The following KIF21B variants were observed in gnomAD, a reference collection of about 807,000 sequenced individuals.
The protein encoded by KIF21B is kinesin-like protein KIF21B.
KIF21B carries 85 observed loss-of-function variants against 192.9 expected under a neutral mutation model. The ratio of observed to expected loss-of-function variants is 0.44; its 90% confidence interval spans 0.37 to 0.53. The LOEUF (loss-of-function observed/expected upper bound fraction) is 0.53. KIF21B is among the 20% of genes least tolerant of loss of function. The probability of loss-of-function intolerance (pLI) is 0.00; values close to 1 mark genes in which losing one functional copy is unlikely to be tolerated. For missense variants in KIF21B, 1,716 were observed against 2,194.8 expected (o/e 0.78, Z 4.36); for synonymous variants, 832 against 884.6 (o/e 0.94, Z 1.05).
At chr1:200,977,764 C>T (rs1293840271) in intron 30 of KIF21B, among the ~76,000 whole-genome samples, 2 of 144,902 alleles carry the variant, frequency 1.4e-5, no homozygotes, top group African/African-American at 2.6e-5. Flanking sequence ...AATGGAGTTT[C>T]GCTCTTGTTG....
At chr1:201,013,992 C>T (rs557790774) in intron 1 of KIF21B, among the ~76,000 whole-genome samples, 2 of 152,312 alleles carry the variant, frequency 1.3e-5, no homozygotes, top group African/African-American at 4.8e-5. Context: ...GCCGGCTGGA[C>T]AGCCCCACTC....
chr1:201,014,281 C>T (rs1376460782), intron 1 of KIF21B, among the ~76,000 whole-genome samples: 1 of 152,230 alleles, frequency 6.6e-6, no homozygotes, highest in Admixed American at 6.5e-5. Flanking sequence ...TCCTCCCAGG[C>T]TGACCCCACC....
At chr1:201,015,132 C>T (rs1342067927) in intron 1 of KIF21B, among the ~76,000 whole-genome samples, 1 of 152,156 alleles carries the variant, frequency 6.6e-6, no homozygotes, top group Non-Finnish European at 1.5e-5. Flanking sequence ...AGAGAGAAAC[C>T]GATAACTCGG....
At chr1:200,994,755 G>A (rs903660098) in intron 15 of KIF21B, among the ~76,000 whole-genome samples, 4 of 152,186 alleles carry the variant, frequency 2.6e-5, no homozygotes, top group African/African-American at 7.2e-5. Context: ...GAGTGGGGAC[G>A]CACATAAGCG....
At chr1:201,012,427 C>T (rs1052836827) in intron 1 of KIF21B, among the ~76,000 whole-genome samples, 4 of 152,216 alleles carry the variant, frequency 2.6e-5, no homozygotes, top group South Asian at 2.1e-4. Context: ...CATGTGCTAG[C>T]GCTGGCTCAG....
intron 21 of KIF21B, 137 bp from the exon 22 acceptor site, chr1:200,989,068 C>T: frequency 1.2e-6 from 1 of 849,506 alleles, no homozygotes; most frequent in Non-Finnish European, 1.8e-6. Flanking sequence ...CTGGCACAGA[C>T]CTGAGAGCAC....
At position 200,986,824 on chromosome 1, in the gene KIF21B, A is replaced by G. The variant is rs756044801; in HGVS notation, c.3689+20T>C. 5 of 1,600,998 alleles carry G rather than the reference A, an allele frequency of 3.1e-6. No individual in the cohort carries two copies. The highest frequency in any genetic ancestry group is 2.2e-5 in the East Asian group (1 of 44,708). On this transcript the variant is annotated intron_variant, in intron 26 of 34. Transcript: ENST00000461742. The stretch of plus-strand genomic sequence containing the variant: ...TAGACTGGTGGTGACTCTGGAGCAG[A>G]TTCTAGAACATGATCTCACCTAATG...
Position 201,005,456 on chromosome 1 carries a change from C to G in KIF21B, c.598-14G>C, listed in dbSNP as rs1024425844. 3 of 1,602,000 alleles carry G rather than the reference C, an allele frequency of 1.9e-6. No individual in the cohort carries two copies. The highest frequency in any genetic ancestry group is 2.6e-6 in the Non-Finnish European group (3 of 1,172,704). ...GCACTGGATCAGCTGGAAACAGAAG[C>G]AGAAGTGAGGGCTTGGGACTACCGT... On this transcript the variant is annotated splice_polypyrimidine_tract_variant and intron_variant, in intron 4 of 34. Coordinates refer to ENST00000461742, the MANE Select transcript of KIF21B (RefSeq NM_001252102.2).
chr1:200,988,790 C>T lies in KIF21B; in HGVS notation c.3274G>A (p.Ala1092Thr), dbSNP rs1213306130. 1.2e-6 allele frequency: 2 copies of T among 1,613,556 alleles called. No individual in the cohort carries two copies. The highest frequency in any genetic ancestry group is 1.1e-5 in the South Asian group (1 of 91,038). The change falls in exon 22 of 35, where the codon GCC becomes ACC. Residue 1092 changes from alanine (A) to threonine (T), a missense_variant. By Grantham distance (58) the Ala-to-Thr change is moderately conservative. Transcript: ENST00000461742. ...EKAEAHPELQ[A>T]LIYNVQQENG... ...CCCTGCTGCACATTGTAGATGAGGG[C>T]CTGCAGCTCGGGGTGAGCTTCAGCC... is the stretch of plus-strand genomic sequence containing the variant.
chr1:200,991,800 G>T, intron 16 of KIF21B, 75 bp from the exon 17 acceptor site: 1 of 1,465,220 alleles, frequency 6.8e-7, no homozygotes. Flanking sequence ...AGGCTGGCTA[G>T]CCCTGTAGTT....
At chr1:201,003,872 T>G in intron 7 of KIF21B, 91 bp from the exon 8 acceptor site, 5 of 1,292,726 alleles carry the variant, frequency 3.9e-6, no homozygotes, top group Non-Finnish European at 3.3e-6. Context: ...TCCCATCCCA[T>G]TCCCCCACTA....
chr1:200,988,681 G>T, intron 22 of KIF21B, 85 bp downstream of exon 22: 1 of 1,529,374 alleles, frequency 6.5e-7, no homozygotes, highest in East Asian at 2.3e-5. Flanking sequence ...GGTGGTTCTG[G>T]GGAAGTGAGG....
Position 200,999,834 on chromosome 1 carries a change from G to A in KIF21B, c.1767+49C>T. 2 of 1,596,656 alleles carry A rather than the reference G, an allele frequency of 1.3e-6. No individual in the cohort carries two copies. The highest frequency in any genetic ancestry group is 1.7e-6 in the Non-Finnish European group (2 of 1,166,976). ...GATGGGGCCCCCGCCAACCCCAGCA[G>A]GGACACAAGGCATGCATGTGGTGAG... On this transcript the variant is annotated intron_variant, in intron 12 of 34. Coordinates refer to ENST00000461742, the MANE Select transcript of KIF21B (RefSeq NM_001252102.2). The surrounding 1 kb of genome is among the most constrained non-coding windows in gnomAD (Gnocchi z 4.7).
At chr1:200,997,066 C>T (rs1657111349) in intron 14 of KIF21B, among the ~76,000 whole-genome samples, 1 of 152,218 alleles carries the variant, frequency 6.6e-6, no homozygotes, top group African/African-American at 2.4e-5. Flanking sequence ...TAAGCCACCT[C>T]TCCTGGGATC....
At chr1:201,012,245 A>G (rs891631423) in intron 1 of KIF21B, among the ~76,000 whole-genome samples, 2 of 152,006 alleles carry the variant, frequency 1.3e-5, no homozygotes, top group African/African-American at 4.8e-5. Context: ...AGCATGCCTG[A>G]GCAGTGTCAC....
intron 21 of KIF21B, 124 bp downstream of exon 21, chr1:200,989,818 G>A (rs1383640083): frequency 5.7e-6 from 4 of 696,040 alleles, no homozygotes; most frequent in Admixed American, 2.5e-5. Flanking sequence ...GAGGTTAGGC[G>A]GCTTGTCCTA....
At position 201,008,842 on chromosome 1, in the gene KIF21B, G is replaced by A. The variant is rs779319005; in HGVS notation, c.374C>T (p.Ala125Val). The change falls in exon 3 of 35, where the codon GCC becomes GTC. Residue 125 changes from alanine to valine, a missense_variant. Transcript: ENST00000461742. ...CTCCTGTGCCCGGCGCTTGCGCTCGGCAATGCCCCCAAAGAGGTGTGCGAT... is the reference window on the plus strand; with the variant it reads ...CTCCTGTGCCCGGCGCTTGCGCTCGACAATGCCCCCAAAGAGGTGTGCGAT... The part of the protein sequence containing the change: ...RAIAHLFGGI[A>V]ERKRRAQEQG... 5.6e-6 allele frequency: 9 copies of A among 1,609,376 alleles called. No individual in the cohort carries two copies. Among genetic ancestry groups the A allele is most frequent in the Middle Eastern group, 1.6e-4 (1 of 6,078 alleles).
chr1:200,985,599 C>T (rs767914876), intron 26 of KIF21B, among the ~76,000 whole-genome samples: 49 of 152,188 alleles, frequency 3.2e-4, no homozygotes, highest in Admixed American at 2.7e-3. Context: ...TAATTAAGTG[C>T]ATGGACCAGA....
At chr1:200,980,891 A>G (rs1655866645) in intron 29 of KIF21B, 69 bp downstream of exon 29, 5 of 1,559,156 alleles carry the variant, frequency 3.2e-6, no homozygotes. Flanking sequence ...TTCACAGACC[A>G]CTCTGACAAA....
Sources: allele counts gnomAD v4.1 joint callset (sites outside exome capture counted in the v4.1 genomes callset), GRCh38; gene constraint gnomAD v4.1.1; non-coding constraint Gnocchi (gnomAD v3.1); transcripts MANE v1.5; gene names NCBI Gene and HGNC (gene_info 2026-07-23, HGNC 2026-07-21).